Variants in DENND1A observed in about 807,000 individuals in gnomAD.
DENND1A encodes DENN domain-containing protein 1A.
DENND1A carries 51 observed loss-of-function variants against 113.7 expected under a neutral mutation model. The observed-to-expected ratio is 0.45, with a 90% CI of 0.36 to 0.57. The LOEUF is 0.57. DENND1A is among the 20% of genes least tolerant of loss of function. DENND1A has a pLI of 0.00. For missense variants in DENND1A, 1,258 were observed against 1,395.9 expected, an observed-to-expected ratio of 0.90 and a Z score of 1.57; for synonymous variants, 565 against 570.8, an observed-to-expected ratio of 0.99 and a Z score of 0.14.
Position 123,382,434 on chromosome 9 carries a change from G to C in DENND1A, c.2211C>G (p.Asn737Lys), listed in dbSNP as rs1331170973. 6.2e-7 allele frequency: 1 copy of C among 1,610,434 alleles called. No individual in the cohort carries two copies. The highest frequency in any genetic ancestry group is 8.5e-7 in the Non-Finnish European group (1 of 1,178,264). The change falls in exon 24 of 24, where the codon AAC becomes AAG. Residue 737 changes from asparagine to lysine, a missense_variant. Transcript: ENST00000394215. ...CACTGGGGTTCAGGATGCTGTCCCG[G>C]TTCTGGGGCCTTCGAGGCAGGGCCA... Reference protein sequence around the residue: ...NSLALPRRPQNRDSILNPSDK... With the variant: ...NSLALPRRPQKRDSILNPSDK...
chr9:123,396,764 G>C (rs1031542050), intron 21 of DENND1A, among the ~76,000 whole-genome samples: 1 of 152,230 alleles, frequency 6.6e-6, no homozygotes, highest in Non-Finnish European at 1.5e-5. Flanking sequence ...GCCTACAGAA[G>C]TTTTCCTTGT....
At chr9:123,631,053 T>C (rs916132411) in intron 9 of DENND1A, among the ~76,000 whole-genome samples, 6 of 152,234 alleles carry the variant, frequency 3.9e-5, no homozygotes, top group African/African-American at 1.4e-4. Context: ...GGTCAATAAT[T>C]TGTATCTATA....
At chr9:123,761,086 C>T (rs2070999560) in intron 4 of DENND1A, among the ~76,000 whole-genome samples, 1 of 152,178 alleles carries the variant, frequency 6.6e-6, no homozygotes, top group South Asian at 2.1e-4. Flanking sequence ...ATGCACCTGA[C>T]TTGTGAATTG....
At chr9:123,540,096 G>GA (rs2056173426) in intron 13 of DENND1A, among the ~76,000 whole-genome samples, 1 of 152,140 alleles carries the variant, frequency 6.6e-6, no homozygotes, top group Admixed American at 6.5e-5. Flanking sequence ...CTTTGAGAAA[G>GA]AAAATCTTGT....
chr9:123,758,080 C>T (rs1034563851), intron 4 of DENND1A, among the ~76,000 whole-genome samples: 1 of 151,986 alleles, frequency 6.6e-6, no homozygotes, highest in Non-Finnish European at 1.5e-5. Flanking sequence ...AGTTCAGTCT[C>T]TGAGGCAGCT....
rs1589772221 is a variant in DENND1A at position 123,712,838 on chromosome 9, T to C, written c.303-36049A>G. Among the ~76,000 whole-genome samples the C allele has an allele frequency of 1.3e-5, 2 of 152,354 alleles. 1 individual carries two copies. The highest frequency in any genetic ancestry group is 4.1e-4 in the South Asian group (2 of 4,828). ...CAAGTTCAACTCTGTAACTACAACA[T>C]TCTGCCTTCGATATTTCCAACAGAT... On this transcript the variant is annotated intron_variant, in intron 5 of 23. Coordinates refer to ENST00000394215, the MANE Select transcript of DENND1A (RefSeq NM_001352964.2).
At chr9:123,443,399 A>T (rs2047072313) in intron 18 of DENND1A, among the ~76,000 whole-genome samples, 2 of 152,234 alleles carry the variant, frequency 1.3e-5, no homozygotes, top group South Asian at 2.1e-4. Context: ...AATCTAGCAC[A>T]TGCTGTCAAA....
intron 2 of DENND1A, among the ~76,000 whole-genome samples, chr9:123,813,341 TCTG>T (rs1176425744): frequency 6.6e-6 from 1 of 152,204 alleles, no homozygotes; most frequent in Non-Finnish European, 1.5e-5. Flanking sequence ...TCTATGAACT[TCTG>T]CTTTTTAATG....
chr9:123,684,487 C>A (rs1267155364), intron 5 of DENND1A, among the ~76,000 whole-genome samples: 4 of 152,202 alleles, frequency 2.6e-5, no homozygotes, highest in African/African-American at 4.8e-5. Context: ...ATCTTCTCCC[C>A]TATTATACTC....
intron 1 of DENND1A, among the ~76,000 whole-genome samples, chr9:123,917,833 G>A (rs536692352): frequency 5.3e-5 from 8 of 152,118 alleles, no homozygotes; most frequent in Non-Finnish European, 1.0e-4. Context: ...GATCCTGGCC[G>A]GGAACAGTGG....
At chr9:123,563,017 G>A (rs980374500) in intron 12 of DENND1A, among the ~76,000 whole-genome samples, 1 of 152,128 alleles carries the variant, frequency 6.6e-6, no homozygotes, top group African/African-American at 2.4e-5. Flanking sequence ...CTCTCTGCTT[G>A]GAGGAAAGTC....
intron 5 of DENND1A, among the ~76,000 whole-genome samples, chr9:123,710,291 T>A (rs916160727): frequency 4.6e-5 from 7 of 152,222 alleles, no homozygotes; most frequent in Admixed American, 3.9e-4. Context: ...TGTCCTGTTT[T>A]GTCTTTTTAT....
intron 4 of DENND1A, among the ~76,000 whole-genome samples, chr9:123,768,260 G>T (rs886311001): frequency 6.6e-6 from 1 of 152,178 alleles, no homozygotes; most frequent in Admixed American, 6.5e-5. Flanking sequence ...TAGAACCAGG[G>T]AGAGCAGTGA....
chr9:123,779,487 C>T (rs1480975265), intron 3 of DENND1A, among the ~76,000 whole-genome samples: 1 of 152,100 alleles, frequency 6.6e-6, no homozygotes, highest in Non-Finnish European at 1.5e-5. Flanking sequence ...GGTTCCTATT[C>T]TTTTTTGTTC....
chr9:123,641,182 C>T (rs571466159), intron 9 of DENND1A, among the ~76,000 whole-genome samples: 26 of 152,272 alleles, frequency 1.7e-4, no homozygotes, highest in African/African-American at 5.1e-4. Context: ...ACCTAGTAGG[C>T]GCTCAAAATT....
At chr9:123,450,643 A>G (rs1588593613) in intron 18 of DENND1A, 50 bp downstream of exon 18, 3 of 1,517,656 alleles carry the variant, frequency 2.0e-6, no homozygotes, top group Middle Eastern at 1.7e-4. Flanking sequence ...TTTTGTGGCC[A>G]TGCATTTCAT....
chr9:123,869,985 G>A (rs1184112485), intron 2 of DENND1A, among the ~76,000 whole-genome samples: 2 of 130,376 alleles, frequency 1.5e-5, no homozygotes, highest in Non-Finnish European at 3.1e-5. Flanking sequence ...CCTGGGTGAT[G>A]AGAGCAAGAC....
chr9:123,495,622 G>A (rs1452520226), intron 13 of DENND1A, among the ~76,000 whole-genome samples: 2 of 152,168 alleles, frequency 1.3e-5, no homozygotes, highest in Non-Finnish European at 2.9e-5. Context: ...TGAAGCAAGT[G>A]ATTTCTCAAT....
intron 2 of DENND1A, among the ~76,000 whole-genome samples, chr9:123,836,947 C>T (rs537281541): frequency 6.6e-6 from 1 of 152,236 alleles, no homozygotes; most frequent in East Asian, 1.9e-4. Flanking sequence ...AGTTCCCTTA[C>T]TAAACATATA....
Sources: allele counts gnomAD v4.1 joint callset (sites outside exome capture counted in the v4.1 genomes callset), GRCh38; gene constraint gnomAD v4.1.1; transcripts MANE v1.5; gene names NCBI Gene and HGNC (gene_info 2026-07-23, HGNC 2026-07-21).